Variants in CYP2C8 observed in about 807,000 individuals in gnomAD.
CYP2C8 encodes the protein cytochrome P450 family 2 subfamily C member 8, also known as cytochrome P450 2C8.
CYP2C8 carries 51 observed loss-of-function variants against 41.3 expected under a neutral mutation model. That is an observed-to-expected ratio of 1.24 (90% confidence interval 0.99 to 1.56). The LOEUF (loss-of-function observed/expected upper bound fraction) is 1.56, where lower values mean the gene tolerates loss of function less well. Ranked by LOEUF, CYP2C8 falls within the 40% of genes most tolerant of loss-of-function variation. The probability of loss-of-function intolerance (pLI) is 0.00; values close to 1 mark genes in which losing one functional copy is unlikely to be tolerated. For missense variants in CYP2C8, 651 were observed against 579.9 expected (o/e 1.12, Z -1.26); for synonymous variants, 218 against 205.8 (o/e 1.06, Z -0.51).
At chr10:95,062,647 G>T (rs536516155) in intron 4 of CYP2C8, among the ~76,000 whole-genome samples, 1 of 152,112 alleles carries the variant, frequency 6.6e-6, no homozygotes, top group East Asian at 1.9e-4. Context: ...TACATTTAAG[G>T]TTAATATTGT....
intron 3 of CYP2C8, 88 bp downstream of exon 3, chr10:95,067,120 A>C: frequency 6.3e-7 from 1 of 1,582,688 alleles, no homozygotes; most frequent in Non-Finnish European, 8.7e-7. Flanking sequence ...CGCAATGAAG[A>C]CCTGGCCACC....
intron 7 of CYP2C8, among the ~76,000 whole-genome samples, chr10:95,042,463 A>C (rs2033022714): frequency 6.6e-6 from 1 of 152,210 alleles, no homozygotes; most frequent in Admixed American, 6.5e-5. Context: ...AAAACCTAAT[A>C]AAAGAGTTGT....
intron 4 of CYP2C8, among the ~76,000 whole-genome samples, chr10:95,063,590 T>G (rs1406267689): frequency 2.0e-5 from 3 of 152,244 alleles, no homozygotes; most frequent in African/African-American, 7.2e-5. Context: ...TTGAGCTTCC[T>G]CCTTTAGGTT....
Position 95,066,119 on chromosome 10 carries a change from TGAGAGAGA to T in CYP2C8, c.481+1081_481+1088del, listed in dbSNP as rs144502351. ...TGAAAGGTAATTTGGGAAGCCTTGG[TGAGAGAGA>T]GAGAGAGAGAGAGAGAGAGAGAGAG... On this transcript the variant is annotated intron_variant, in intron 3 of 8. Transcript: ENST00000371270. Among the ~76,000 whole-genome samples the T allele has an allele frequency of 2.9e-3, 283 of 97,768 alleles. 1 individual carries two copies. Among genetic ancestry groups the T allele is most frequent in the African/African-American group, 6.2e-3 (148 of 23,836 alleles). 64.1% of individuals were successfully genotyped at this position (97,768 alleles called of 152,430 possible).
Position 95,043,083 on chromosome 10 carries a change from A to G in CYP2C8, c.962-6T>C. On this transcript the variant is annotated splice_polypyrimidine_tract_variant and splice_region_variant and intron_variant, in intron 6 of 8. Transcript: ENST00000371270. ...AATCTCTTCCTGGACTTTAGCTGACAAGACACAAGAAAGAACTGATGGAAA... is the reference window on the plus strand; with the variant it reads ...AATCTCTTCCTGGACTTTAGCTGACGAGACACAAGAAAGAACTGATGGAAA... 6.2e-7 allele frequency: 1 copy of G among 1,614,120 alleles called. No individual in the cohort carries two copies. The highest frequency in any genetic ancestry group is 8.5e-7 in the Non-Finnish European group (1 of 1,179,950).
At chr10:95,050,538 A>G (rs760524646) in intron 5 of CYP2C8, among the ~76,000 whole-genome samples, 2 of 152,214 alleles carry the variant, frequency 1.3e-5, no homozygotes, top group African/African-American at 2.4e-5. Context: ...TGCTTGTGTC[A>G]TTCCATCCCC....
intron 5 of CYP2C8, among the ~76,000 whole-genome samples, chr10:95,052,321 A>G (rs534218900): frequency 6.6e-5 from 10 of 152,118 alleles, no homozygotes; most frequent in Non-Finnish European, 1.3e-4. Context: ...AAAGCATCCT[A>G]GTAGAGAAAA....
intron 8 of CYP2C8, among the ~76,000 whole-genome samples, chr10:95,038,582 A>C (rs2032932084): frequency 6.6e-6 from 1 of 152,156 alleles, no homozygotes; most frequent in Non-Finnish European, 1.5e-5. Flanking sequence ...CAGGTAAGGA[A>C]AGATCAGATG....
chr10:95,038,878 G>T lies in CYP2C8; in HGVS notation c.1291+19C>A. 2 of 1,612,452 alleles carry T rather than the reference G, an allele frequency of 1.2e-6. No individual in the cohort carries two copies. Among genetic ancestry groups the T allele is most frequent in the South Asian group, 1.1e-5 (1 of 91,030 alleles). ...TTCTCTCTTTCCTTTAAATACAAAT[G>T]GAAACGAGTTTCTATTACCTGCTGA... On this transcript the variant is annotated intron_variant, in intron 8 of 8. Transcript: ENST00000371270.
At chr10:95,040,219 A>G (rs1027497945) in intron 7 of CYP2C8, among the ~76,000 whole-genome samples, 2 of 152,202 alleles carry the variant, frequency 1.3e-5, no homozygotes, top group Non-Finnish European at 2.9e-5. Flanking sequence ...GTTTTGGGGC[A>G]TTACATACTG....
intron 6 of CYP2C8, among the ~76,000 whole-genome samples, chr10:95,043,757 T>C (rs1239544345): frequency 1.3e-5 from 2 of 151,698 alleles, no homozygotes; most frequent in Non-Finnish European, 2.9e-5. Context: ...CCCACACACG[T>C]ACACACACAC....
intron 4 of CYP2C8, among the ~76,000 whole-genome samples, chr10:95,063,326 C>T (rs185055649): frequency 5.9e-5 from 9 of 152,338 alleles, no homozygotes; most frequent in Admixed American, 3.9e-4. Flanking sequence ...TTCTTGGAGG[C>T]TTTGTGCATT....
Position 95,067,208 on chromosome 10 carries a change from C to T in CYP2C8, c.481G>A (p.Ala161Thr), listed in dbSNP as rs1440353583. 6.2e-7 allele frequency: 1 copy of T among 1,614,012 alleles called. No homozygotes were observed. The highest frequency in any genetic ancestry group is 2.2e-5 in the East Asian group (1 of 44,870). The stretch of plus-strand genomic sequence containing the variant: ...AATGACGCAGAGTAGAGTCACCCAC[C>T]CTTGGTTTTTCTCAACTCCTCCACA... The part of the protein sequence containing the change: ...CLVEELRKTK[A>T]SPCDPTFILG... Residue 161 changes from alanine to threonine, a missense_variant and splice_region_variant, in exon 3 of 9, where the codon GCT (alanine) becomes ACT (threonine). Physicochemically the swap from Ala to Thr is moderately conservative, Grantham distance 58 (BLOSUM62 0). Transcript: ENST00000371270.
Position 95,045,809 on chromosome 10 carries a change from C to A in CYP2C8, c.961+1G>T. 6.2e-7 allele frequency: 1 copy of A among 1,613,972 alleles called. No homozygotes were observed. The highest frequency in any genetic ancestry group is 1.1e-5 in the South Asian group (1 of 91,076). Reference sequence around the variant, plus strand: ...ACTTTGTTCATCATCTGTGGTCCTACCTGTGACCTCTGGGTGCTTCAGCAG... The same window carrying A: ...ACTTTGTTCATCATCTGTGGTCCTAACTGTGACCTCTGGGTGCTTCAGCAG... On this transcript the variant is annotated splice_donor_variant, in intron 6 of 8. Transcript: ENST00000371270. LOFTEE classifies it high-confidence loss of function.
chr10:95,055,112 A>T (rs1032901086), intron 5 of CYP2C8, among the ~76,000 whole-genome samples: 7 of 152,136 alleles, frequency 4.6e-5, no homozygotes, highest in Non-Finnish European at 1.0e-4. Flanking sequence ...CCTTTTTAAA[A>T]TTTTTATTTG....
At chr10:95,045,330 T>C (rs1217347620) in intron 6 of CYP2C8, among the ~76,000 whole-genome samples, 3 of 152,194 alleles carry the variant, frequency 2.0e-5, no homozygotes, top group Non-Finnish European at 2.9e-5. Flanking sequence ...AGACTAACTT[T>C]TAGATTACTT....
chr10:95,042,840 T>C lies in CYP2C8; in HGVS notation c.1149+50A>G, dbSNP rs1430363377. On this transcript the variant is annotated intron_variant, in intron 7 of 8. Transcript: ENST00000371270. ...TAGAGGGTTGGAACCAAACCAGCAC[T>C]ATGGAAATTTCAGAAGTACAGAAAT... The C allele has an allele frequency of 2.6e-6, 4 of 1,522,722 alleles. No homozygotes were observed. In the Admixed American group the frequency reaches 6.7e-5, roughly 25 times the overall value. 94.3% of individuals were successfully genotyped at this position (1,522,722 alleles called of 1,614,324 possible). A position where few individuals can be genotyped will look rare whatever the true frequency, so the allele number is the denominator to read the frequency against.
intron 5 of CYP2C8, among the ~76,000 whole-genome samples, chr10:95,046,748 T>TAAA (rs56702266): frequency 3.8e-4 from 49 of 128,952 alleles, no homozygotes; most frequent in African/African-American, 1.2e-3. Context: ...CTAAATATGG[T>TAAA]AAAAAAAAAA....
At position 95,037,294 on chromosome 10, in the gene CYP2C8, G is replaced by A. The variant is rs866496314; in HGVS notation, c.1307C>T (p.Ala436Val). Residue 436 changes from alanine (A) to valine (V), a missense_variant, in exon 9 of 9, where the codon GCA becomes GTA. Ala to Val is a moderately conservative substitution (Grantham distance 64). Coordinates refer to ENST00000371270, the MANE Select transcript of CYP2C8 (RefSeq NM_000770.3). Reference sequence around the variant, plus strand: ...CTCCATGCGGGCAAGTCCTTCTCCTGCACAAATTCGTTTTCCTGAAGATAA... The same window carrying A: ...CTCCATGCGGGCAAGTCCTTCTCCTACACAAATTCGTTTTCCTGAAGATAA... The part of the protein sequence containing the change: ...MPFSAGKRIC[A>V]GEGLARMELF... 34 of 1,613,164 alleles carry A rather than the reference G, an allele frequency of 2.1e-5. No homozygotes were observed. Among genetic ancestry groups the A allele is most frequent in the Non-Finnish European group, 2.9e-5 (34 of 1,179,680 alleles).
Sources: allele counts gnomAD v4.1 joint callset (sites outside exome capture counted in the v4.1 genomes callset), GRCh38; gene constraint gnomAD v4.1.1; transcripts MANE v1.5; gene names NCBI Gene and HGNC (gene_info 2026-07-23, HGNC 2026-07-21).